The following FAM107A variants were observed in gnomAD, a reference collection of about 807,000 sequenced individuals.
The protein encoded by FAM107A is actin-associated protein FAM107A.
FAM107A carries 19 observed loss-of-function variants against 13.7 expected under a neutral mutation model. That is an observed-to-expected ratio of 1.38 (90% CI 0.97 to 2.03). The LOEUF (loss-of-function observed/expected upper bound fraction) is 2.03, where lower values mean the gene tolerates loss of function less well. Ranked by LOEUF, FAM107A falls within the 30% of genes most tolerant of loss-of-function variation. FAM107A has a pLI of 0.00. For missense variants in FAM107A, 203 were observed against 184.4 expected (o/e 1.10, Z -0.58); for synonymous variants, 82 against 74.5 (o/e 1.10, Z -0.52).
At chr3:58,622,085 C>T (rs1444558378) in intron 1 of FAM107A, among the ~76,000 whole-genome samples, 2 of 152,140 alleles carry the variant, frequency 1.3e-5, no homozygotes, top group Non-Finnish European at 2.9e-5. Context: ...TGAGTGGTTC[C>T]CACCCAAGAA....
chr3:58,626,033 A>T (rs534155971), intron 1 of FAM107A, among the ~76,000 whole-genome samples: 230 of 152,248 alleles, frequency 1.5e-3, no homozygotes, highest in Non-Finnish European at 2.0e-3. Flanking sequence ...CCCTTTATAA[A>T]CAAGAACCTG....
At chr3:58,624,942 G>A (rs2065997194) in intron 1 of FAM107A, among the ~76,000 whole-genome samples, 1 of 152,052 alleles carries the variant, frequency 6.6e-6, no homozygotes, top group Non-Finnish European at 1.5e-5. Flanking sequence ...ATAGGCCCTG[G>A]CATAGGGCAG....
At chr3:58,570,398 C>G (rs2063669634) in intron 1 of FAM107A, 1 of 984,632 alleles carries the variant, frequency 1.0e-6, no homozygotes, top group African/African-American at 1.7e-5. Context: ...AAGAGGAGAG[C>G]ATGAAATTCA....
At chr3:58,618,285 G>C (rs1433081976) in intron 1 of FAM107A, among the ~76,000 whole-genome samples, 2 of 152,220 alleles carry the variant, frequency 1.3e-5, no homozygotes, top group African/African-American at 4.8e-5. Context: ...TCATGGCTGT[G>C]AAATGGGGAA....
intron 2 of FAM107A, among the ~76,000 whole-genome samples, chr3:58,568,700 C>T (rs2063649732): frequency 6.6e-6 from 1 of 152,136 alleles, no homozygotes; most frequent in South Asian, 2.1e-4. Context: ...GGATATTGGT[C>T]ACACAACTGA....
At position 58,566,557 on chromosome 3, in the gene FAM107A, G is replaced by C; in HGVS notation, c.*31C>G. The C allele has an allele frequency of 6.5e-7, 1 of 1,527,084 alleles. No homozygotes were observed. Among genetic ancestry groups the C allele is most frequent in the Non-Finnish European group, 9.1e-7 (1 of 1,102,250 alleles). 94.6% of individuals were successfully genotyped at this position (1,527,084 alleles called of 1,614,324 possible). ...GCTGAAGGAGGCTGTCCAGGCCAGGGTGGGCAGTGGCCTGAGCCCGGCAGC... is the reference window on the plus strand; with the variant it reads ...GCTGAAGGAGGCTGTCCAGGCCAGGCTGGGCAGTGGCCTGAGCCCGGCAGC... On this transcript the variant is annotated 3_prime_UTR_variant, in exon 4 of 4. Transcript: ENST00000360997.
intron 1 of FAM107A, among the ~76,000 whole-genome samples, chr3:58,594,111 C>T (rs1007960526): frequency 1.3e-5 from 2 of 152,168 alleles, no homozygotes; most frequent in Non-Finnish European, 2.9e-5. Context: ...CTCTTCATCT[C>T]CAAAGCCCAA....
chr3:58,623,862 G>C (rs779150304), intron 1 of FAM107A, among the ~76,000 whole-genome samples: 1 of 152,256 alleles, frequency 6.6e-6, no homozygotes, highest in Non-Finnish European at 1.5e-5. Flanking sequence ...CATGCGAGCT[G>C]TGCTCAGGAA....
intron 1 of FAM107A, among the ~76,000 whole-genome samples, chr3:58,596,275 A>C (rs1223186077): frequency 1.3e-5 from 2 of 152,192 alleles, no homozygotes; most frequent in Non-Finnish European, 2.9e-5. Context: ...CCTCAATGTG[A>C]AAGTGTCAAG....
At chr3:58,589,146 T>C, upstream of FAM107A, 1 of 1,093,478 alleles carries the variant, frequency 9.1e-7, no homozygotes, top group South Asian at 1.3e-5. Flanking sequence ...TGTACTTTTG[T>C]GGAGTATCTG....
exon 1 of FAM107A, chr3:58,587,003 C>T: frequency 6.9e-7 from 1 of 1,443,462 alleles, no homozygotes. Flanking sequence ...GAGCGTAGTC[C>T]GGAGCCGAAG....
At chr3:58,615,309 T>C (rs927174070) in intron 1 of FAM107A, among the ~76,000 whole-genome samples, 6 of 152,272 alleles carry the variant, frequency 3.9e-5, no homozygotes, top group African/African-American at 1.4e-4. Context: ...TTACCAACTT[T>C]GTAACTTTGA....
chr3:58,568,860 C>A (rs1193071815), intron 2 of FAM107A, among the ~76,000 whole-genome samples: 1 of 152,154 alleles, frequency 6.6e-6, no homozygotes, highest in Non-Finnish European at 1.5e-5. Flanking sequence ...TTCTCCAATT[C>A]ACATCCCATC....
At chr3:58,567,150 C>G (rs762055915) in intron 3 of FAM107A, 58 bp downstream of exon 3, 17 of 1,601,824 alleles carry the variant, frequency 1.1e-5, no homozygotes, top group Non-Finnish European at 1.3e-5. Flanking sequence ...CAGCAGAGCT[C>G]CTCCCTGGAG....
rs2108079568 is a variant in FAM107A at position 58,613,277 on chromosome 3, C to T, written c.-70+14139G>A. Among the ~76,000 whole-genome samples the T allele has an allele frequency of 6.6e-6, 1 of 152,250 alleles. No individual in the cohort carries two copies. The highest frequency in any genetic ancestry group is 2.4e-5 in the African/African-American group (1 of 41,552). On this transcript the variant is annotated intron_variant, in intron 1 of 3. Transcript: ENST00000465970. This position sits in a 1 kb window ranked among gnomAD's most constrained non-coding sequence, Gnocchi z 4.6. ...TGAGGCTGAGAGATCAAGGAGGTGG[C>T]CAAGGTTACAGAGCTAGTGAGATGG...
In FAM107A at chr3:58,569,976, G is replaced by A. The variant is rs1461223857; in HGVS notation, c.-5-111C>T. 4 of 1,074,968 alleles carry A rather than the reference G, an allele frequency of 3.7e-6. No individual in the cohort carries two copies. Among genetic ancestry groups the A allele is most frequent in the East Asian group, 5.0e-5 (2 of 40,262 alleles). 66.6% of individuals were successfully genotyped at this position (1,074,968 alleles called of 1,614,324 possible). The stretch of plus-strand genomic sequence containing the variant: ...CATGTCAGATGGACCTTGGCCACCT[G>A]CTACTGCGCATACCTGGGCAAGCTA... On this transcript the variant is annotated intron_variant, in intron 1 of 3. Coordinates refer to ENST00000360997, the MANE Select transcript of FAM107A (RefSeq NM_001076778.3). This position sits in a 1 kb window ranked among gnomAD's most constrained non-coding sequence, Gnocchi z 5.7.
chr3:58,588,809 G>A (rs770622288), upstream of FAM107A, among the ~76,000 whole-genome samples: 7 of 152,120 alleles, frequency 4.6e-5, no homozygotes, highest in South Asian at 2.1e-4. Flanking sequence ...ACAGGTGCAC[G>A]CAACCGCAAC....
At chr3:58,612,235 G>A (rs1220206519) in intron 1 of FAM107A, among the ~76,000 whole-genome samples, 3 of 152,020 alleles carry the variant, frequency 2.0e-5, no homozygotes, top group African/African-American at 7.2e-5. Context: ...ATCAGGGATT[G>A]GTCAAAAAAA....
At chr3:58,570,057 G>A (rs965169383) in intron 1 of FAM107A, among the ~76,000 whole-genome samples, 192 bp from the exon 2 acceptor site, 4 of 152,188 alleles carry the variant, frequency 2.6e-5, no homozygotes, top group East Asian at 1.9e-4. Context: ...ATAACGGAAC[G>A]CATGCACAGG....
Sources: allele counts gnomAD v4.1 joint callset (sites outside exome capture counted in the v4.1 genomes callset), GRCh38; gene constraint gnomAD v4.1.1; non-coding constraint Gnocchi (gnomAD v3.1); transcripts MANE v1.5; gene names NCBI Gene and HGNC (gene_info 2026-07-23, HGNC 2026-07-21).